The following PRELID2 variants were observed in gnomAD, a reference collection of about 807,000 sequenced individuals.
The protein encoded by PRELID2 is PRELI domain-containing protein 2.
Under a neutral mutation model 28.4 loss-of-function variants are expected in PRELID2, and 25 were observed. The observed-to-expected ratio is 0.88, with a 90% confidence interval of 0.64 to 1.23. PRELID2 has a LOEUF of 1.23. Among genes scored for constraint, PRELID2 ranks in the 50% most tolerant of loss-of-function variants. The pLI is 0.00. For missense variants in PRELID2, 201 were observed against 214.4 expected, an observed-to-expected ratio of 0.94 and a Z score of 0.39; for synonymous variants, 76 against 71.6, an observed-to-expected ratio of 1.06 and a Z score of -0.31.
chr5:145,813,803 G>T (rs2149849198), intron 4 of PRELID2, among the ~76,000 whole-genome samples: 1 of 152,164 alleles, frequency 6.6e-6, no homozygotes, highest in East Asian at 1.9e-4. Flanking sequence ...AAATTTAACT[G>T]GTCAAACCTT....
At chr5:145,541,536 T>C (rs556536536) in intron 1 of PRELID2, among the ~76,000 whole-genome samples, 16 of 152,150 alleles carry the variant, frequency 1.1e-4, no homozygotes, top group Non-Finnish European at 2.1e-4. Context: ...TGCAGAATGA[T>C]TCCATGATGT....
intron 1 of PRELID2, among the ~76,000 whole-genome samples, chr5:145,541,811 G>A (rs1752747529): frequency 6.6e-6 from 1 of 151,804 alleles, no homozygotes; most frequent in South Asian, 2.1e-4. Context: ...TTGAGATAAT[G>A]GGCCATTTCC....
intron 1 of PRELID2, among the ~76,000 whole-genome samples, chr5:145,563,583 T>C (rs1752941547): frequency 6.6e-6 from 1 of 152,204 alleles, no homozygotes; most frequent in South Asian, 2.1e-4. Context: ...CAGCAGAACC[T>C]AGGCAAAAAT....
At chr5:145,502,332 AC>A (rs1182532452) in intron 1 of PRELID2, among the ~76,000 whole-genome samples, 2 of 152,114 alleles carry the variant, frequency 1.3e-5, no homozygotes, top group African/African-American at 4.8e-5. Context: ...AATTGTGCTA[AC>A]CCATTCATGA....
At chr5:145,510,004 C>G (rs1752447098) in intron 1 of PRELID2, among the ~76,000 whole-genome samples, 1 of 152,158 alleles carries the variant, frequency 6.6e-6, no homozygotes, top group African/African-American at 2.4e-5. Context: ...TGTGAAGCTG[C>G]ATACAACATG....
At chr5:145,500,252 G>A (rs183857321) in intron 1 of PRELID2, among the ~76,000 whole-genome samples, 2 of 152,218 alleles carry the variant, frequency 1.3e-5, no homozygotes, top group East Asian at 1.9e-4. Context: ...TAGTGAGTGT[G>A]TTCTCATTAG....
intron 1 of PRELID2, among the ~76,000 whole-genome samples, chr5:145,712,446 T>C (rs988007962): frequency 1.3e-5 from 2 of 152,210 alleles, no homozygotes; most frequent in African/African-American, 4.8e-5. Flanking sequence ...CAGCAAATGC[T>C]GTAAGCCAAG....
chr5:145,748,218 G>T (rs186683297), intron 1 of PRELID2, among the ~76,000 whole-genome samples: 3 of 152,302 alleles, frequency 2.0e-5, no homozygotes, highest in South Asian at 4.1e-4. Context: ...AAGTCAAATT[G>T]TCTCCGTTTG....
exon 3 of PRELID2, chr5:145,472,102 AG>A (rs1752060592): frequency 6.6e-6 from 1 of 152,514 alleles, no homozygotes; most frequent in South Asian, 2.1e-4. Context: ...GTGTGGAGGG[AG>A]AAGCTTGCAA....
the PRELID2 span, among the ~76,000 whole-genome samples, chr5:145,347,605 T>C: frequency 1.3e-5 from 2 of 152,096 alleles, no homozygotes; most frequent in Non-Finnish European, 1.5e-5. Flanking sequence ...TTTTTAGCTA[T>C]TTGTGCTAGT....
At chr5:145,648,623 G>A (rs1360861604) in intron 1 of PRELID2, among the ~76,000 whole-genome samples, 1 of 148,390 alleles carries the variant, frequency 6.7e-6, no homozygotes, top group Non-Finnish European at 1.5e-5. Flanking sequence ...GATGAGTTTA[G>A]GCGGTTTTTT....
chr5:145,292,727 A>C, the PRELID2 span, among the ~76,000 whole-genome samples: 1 of 152,160 alleles, frequency 6.6e-6, no homozygotes, highest in African/African-American at 2.4e-5. Context: ...TATTTTTAAA[A>C]GACAGGGTCT....
chr5:145,323,289 C>T, the PRELID2 span, among the ~76,000 whole-genome samples: 282 of 151,990 alleles, frequency 1.9e-3, 8 homozygotes, highest in East Asian at 0.045. Flanking sequence ...GGAGAGTGGC[C>T]TCAAACACAA....
the PRELID2 span, among the ~76,000 whole-genome samples, chr5:145,345,904 G>A: frequency 6.6e-6 from 1 of 151,956 alleles, no homozygotes; most frequent in South Asian, 2.1e-4. Context: ...CACTGTGGGG[G>A]GAGGCATTTT....
chr5:145,830,279 C>T (rs923749443), intron 1 of PRELID2, among the ~76,000 whole-genome samples: 7 of 152,190 alleles, frequency 4.6e-5, no homozygotes, highest in African/African-American at 1.7e-4. Flanking sequence ...AAAAGAAAGT[C>T]AACCTTCTGA....
chr5:145,784,782 CTTTGT>C (rs937732320), intron 5 of PRELID2, among the ~76,000 whole-genome samples: 3 of 56,140 alleles, frequency 5.3e-5, no homozygotes, highest in East Asian at 5.0e-4. Context: ...ATAATCCCAA[CTTTGT>C]TTTTTTTTTT....
intron 1 of PRELID2, among the ~76,000 whole-genome samples, chr5:145,582,553 A>T (rs558421203): frequency 6.6e-6 from 1 of 152,170 alleles, no homozygotes; most frequent in East Asian, 1.9e-4. Context: ...AAATCAAAGC[A>T]CTGTCTCAGA....
chr5:145,548,932 C>T (rs1229980196), intron 1 of PRELID2, among the ~76,000 whole-genome samples: 1 of 152,140 alleles, frequency 6.6e-6, no homozygotes, highest in African/African-American at 2.4e-5. Flanking sequence ...CTCATTTGTA[C>T]CCACCACCTC....
chr5:145,474,831 A>C (rs560633684), intron 1 of PRELID2, among the ~76,000 whole-genome samples: 16 of 152,244 alleles, frequency 1.1e-4, no homozygotes, highest in African/African-American at 3.9e-4. Context: ...GATCATTGAC[A>C]AAAAAATAGT....
Sources: allele counts gnomAD v4.1 joint callset (sites outside exome capture counted in the v4.1 genomes callset), GRCh38; gene constraint gnomAD v4.1.1; transcripts MANE v1.5; gene names NCBI Gene and HGNC (gene_info 2026-07-23, HGNC 2026-07-21).